ZFHX3: variants seen among roughly 807,000 people sequenced by gnomAD.
The protein encoded by ZFHX3 is zinc finger homeobox 3.
ZFHX3 carries 42 observed loss-of-function variants against 279.1 expected under a neutral mutation model. The observed-to-expected ratio is 0.15, with a 90% CI of 0.12 to 0.19. The LOEUF (loss-of-function observed/expected upper bound fraction) is 0.19, where lower values mean the gene tolerates loss of function less well. Among genes scored for constraint, ZFHX3 ranks in the 10% least tolerant of loss-of-function variants. ZFHX3 has a pLI of 1.00. For missense variants in ZFHX3, 4,981 were observed against 4,754.0 expected, an observed-to-expected ratio of 1.05 and a Z score of -1.40; for synonymous variants, 2,293 against 1,957.8, an observed-to-expected ratio of 1.17 and a Z score of -4.52.
chr16:73,483,509 A>G (rs1489105548), intron 2 of ZFHX3: 1 of 398,086 alleles, frequency 2.5e-6, no homozygotes, highest in Admixed American at 3.0e-5. Context: ...GACGCTGAAC[A>G]AATAGGCCAC....
intron 3 of ZFHX3, among the ~76,000 whole-genome samples, chr16:73,371,255 C>T (rs1449358957): frequency 6.6e-6 from 1 of 151,546 alleles, no homozygotes; most frequent in African/African-American, 2.4e-5. Context: ...TGCAGTGAGC[C>T]GAGATCGCAC....
rs924588701 is a variant in ZFHX3 at position 72,795,403 on chromosome 16, C to T, written c.7279G>A (p.Asp2427Asn). The change falls in exon 9 of 10, where the codon GAT becomes AAT. Residue 2427 changes from aspartate to asparagine, a missense_variant. This residue lies in a region of ZFHX3 where 744 missense variants were observed against 701.3 expected (regional missense o/e 1.06). Transcript: ENST00000268489. ...ATFNSKTEAG[D>N]EKPKLAEAPS... is the part of the protein sequence containing the mutation. The stretch of plus-strand genomic sequence containing the variant: ...GCTTCCGCCAGCTTTGGTTTCTCAT[C>T]GCCTGCCTCTGTTTTTGAATTGAAG... 8.7e-6 allele frequency: 14 copies of T among 1,613,972 alleles called. 1 individual carries two copies. The highest frequency in any genetic ancestry group is 6.6e-5 in the South Asian group (6 of 91,072).
At chr16:73,325,932 C>A (rs62057267) in intron 3 of ZFHX3, among the ~76,000 whole-genome samples, 50 of 110,140 alleles carry the variant, frequency 4.5e-4, no homozygotes, top group African/African-American at 9.9e-4. Context: ...CACACAAACA[C>A]ACACACACAC....
At chr16:73,232,990 G>A (rs1240816689) in intron 5 of ZFHX3, 1 of 151,850 alleles carries the variant, frequency 6.6e-6, no homozygotes. Context: ...GCGTGGATAT[G>A]GGGGTGGGGG....
At chr16:72,867,229 C>G (rs2038044193) in intron 4 of ZFHX3, among the ~76,000 whole-genome samples, 1 of 152,112 alleles carries the variant, frequency 6.6e-6, no homozygotes, top group Non-Finnish European at 1.5e-5. Flanking sequence ...TTCTACTCCA[C>G]CAGGTGTCAA....
chr16:73,785,893 G>A (rs1377498463), intron 1 of ZFHX3, among the ~76,000 whole-genome samples: 1 of 150,458 alleles, frequency 6.6e-6, no homozygotes, highest in Non-Finnish European at 1.5e-5. Context: ...TTTTTGAGAT[G>A]GAGTTTCACT....
intron 2 of ZFHX3, among the ~76,000 whole-genome samples, chr16:73,650,297 T>C (rs2052658319): frequency 6.7e-6 from 1 of 149,972 alleles, no homozygotes; most frequent in Non-Finnish European, 1.5e-5. Flanking sequence ...AGCCCAAAGA[T>C]GGAAGCAGAG....
chr16:73,029,548 C>T (rs867707586), intron 1 of ZFHX3, among the ~76,000 whole-genome samples: 8 of 152,344 alleles, frequency 5.3e-5, no homozygotes, highest in African/African-American at 1.9e-4. Flanking sequence ...AAGGAATTAT[C>T]CCTCCCATTG....
intron 5 of ZFHX3, among the ~76,000 whole-genome samples, chr16:73,192,478 T>G (rs1177131056): frequency 6.6e-6 from 1 of 152,128 alleles, no homozygotes; most frequent in Admixed American, 6.5e-5. Flanking sequence ...GATCACCGGG[T>G]GCCAAAGAAA....
At chr16:73,422,449 C>T (rs1242016657) in intron 3 of ZFHX3, among the ~76,000 whole-genome samples, 1 of 152,160 alleles carries the variant, frequency 6.6e-6, no homozygotes, top group Admixed American at 6.5e-5. Flanking sequence ...CATTTCACAG[C>T]CCAAGCACAG....
At chr16:73,375,123 C>T (rs1439365825) in intron 3 of ZFHX3, among the ~76,000 whole-genome samples, 3 of 152,150 alleles carry the variant, frequency 2.0e-5, no homozygotes, top group East Asian at 3.9e-4. Context: ...ACTTCTATTG[C>T]ATGAATTTTC....
At chr16:72,905,849 C>T (rs750314104) in intron 3 of ZFHX3, among the ~76,000 whole-genome samples, 3 of 152,176 alleles carry the variant, frequency 2.0e-5, no homozygotes, top group Non-Finnish European at 2.9e-5. Flanking sequence ...ACACATCACA[C>T]GTACAACTTT....
At chr16:72,935,675 A>G (rs1217601310) in intron 3 of ZFHX3, among the ~76,000 whole-genome samples, 3 of 151,588 alleles carry the variant, frequency 2.0e-5, no homozygotes, top group African/African-American at 7.3e-5. Flanking sequence ...GGGGGGTTGC[A>G]GTGAGCTGAG....
chr16:73,693,830 G>A (rs1343560227), intron 1 of ZFHX3, among the ~76,000 whole-genome samples: 1 of 152,044 alleles, frequency 6.6e-6, no homozygotes, highest in Non-Finnish European at 1.5e-5. Flanking sequence ...AGTAACCTGT[G>A]CGTTTCCACA....
Position 73,866,236 on chromosome 16 carries a change from G to A in ZFHX3, c.-1608+25415C>T, listed in dbSNP as rs1206377625. ...ACCCTGTCACCCTGTCTAGAGTGCA[G>A]TGGTACGATCTCGGCTCATTGCAAC... On this transcript the variant is annotated intron_variant, in intron 1 of 17. Coordinates refer to the ZFHX3 transcript ENST00000641206. Among the ~76,000 whole-genome samples the A allele has an allele frequency of 7.3e-5, 10 of 136,364 alleles. No homozygotes were observed. The Admixed American group carries it at 8.2e-4, about 11-fold the overall frequency. The allele number at this position is 136,364 out of a possible 152,430, so 89.5% of individuals were successfully genotyped here.
intron 5 of ZFHX3, among the ~76,000 whole-genome samples, chr16:72,827,044 C>G (rs181771209): frequency 2.0e-5 from 3 of 152,302 alleles, no homozygotes; most frequent in African/African-American, 7.2e-5. Flanking sequence ...TAGCATAAGG[C>G]AGCACATAGA....
chr16:73,809,037 T>C (rs1960358167), intron 1 of ZFHX3, among the ~76,000 whole-genome samples: 1 of 152,140 alleles, frequency 6.6e-6, no homozygotes, highest in African/African-American at 2.4e-5. Flanking sequence ...CTGTAATGCA[T>C]TTGTAATAAG....
intron 1 of ZFHX3, among the ~76,000 whole-genome samples, chr16:73,730,352 CAAAAAAAAAAAAAAA>C (rs66477968): frequency 1.2e-5 from 1 of 81,166 alleles, no homozygotes; most frequent in African/African-American, 5.1e-5. Flanking sequence ...CCTCCCCTCG[CAAAAAAAAAAAAAAA>C]AAAAAAAAGA....
intron 2 of ZFHX3, among the ~76,000 whole-genome samples, chr16:73,545,253 C>A (rs1285966859): frequency 6.6e-6 from 1 of 152,180 alleles, no homozygotes; most frequent in Non-Finnish European, 1.5e-5. Context: ...CATTTCAAAT[C>A]ACGGGCTCTT....
Sources: allele counts gnomAD v4.1 joint callset (sites outside exome capture counted in the v4.1 genomes callset), GRCh38; gene constraint gnomAD v4.1.1; regional missense constraint gnomAD v4.1.1; transcripts MANE v1.5; gene names NCBI Gene and HGNC (gene_info 2026-07-23, HGNC 2026-07-21).